The following ANKRD36C variants were observed in gnomAD, a reference collection of about 807,000 sequenced individuals.
ANKRD36C encodes ankyrin repeat domain-containing protein 36C.
Under a neutral mutation model 276.4 loss-of-function variants are expected in ANKRD36C, and 61 were observed. That is an observed-to-expected ratio of 0.22 (90% CI 0.18 to 0.27). The LOEUF (loss-of-function observed/expected upper bound fraction) is 0.27. Ranked by LOEUF, ANKRD36C falls within the 10% of genes least tolerant of loss-of-function variation. The pLI, the probability that ANKRD36C is intolerant of heterozygous loss-of-function variation, is 1.00. For missense variants in ANKRD36C, 1,447 were observed against 2,032.3 expected (o/e 0.71, Z 5.54); for synonymous variants, 483 against 680.1 (o/e 0.71, Z 4.51).
intron 63 of ANKRD36C, among the ~76,000 whole-genome samples, chr2:95,854,811 G>A (rs1675370621): frequency 1.3e-5 from 2 of 151,908 alleles, no homozygotes; most frequent in South Asian, 2.1e-4. Flanking sequence ...TAAAGCTACT[G>A]AAGAAAAGTA....
At chr2:95,957,925 A>T (rs1164455522) in intron 12 of ANKRD36C, among the ~76,000 whole-genome samples, 3 of 152,056 alleles carry the variant, frequency 2.0e-5, no homozygotes, top group Non-Finnish European at 4.4e-5. Flanking sequence ...CCCAGTAATA[A>T]CAAAGAGGGG....
intron 48 of ANKRD36C, among the ~76,000 whole-genome samples, chr2:95,888,775 G>A (rs985754345): frequency 6.6e-6 from 1 of 151,506 alleles, no homozygotes; most frequent in African/African-American, 2.4e-5. Flanking sequence ...TCCACTCATG[G>A]CACCAAAGGA....
At chr2:95,947,442 C>G (rs1678083339) in intron 17 of ANKRD36C, among the ~76,000 whole-genome samples, 1 of 152,082 alleles carries the variant, frequency 6.6e-6, no homozygotes, top group Admixed American at 6.6e-5. Flanking sequence ...TTCTTACATG[C>G]AAGACATTAT....
chr2:95,959,925 C>G (rs911495418), intron 10 of ANKRD36C, among the ~76,000 whole-genome samples: 25 of 152,338 alleles, frequency 1.6e-4, no homozygotes, highest in Admixed American at 1.2e-3. Context: ...CTAAATGCAT[C>G]TGAAGTGAGT....
intron 59 of ANKRD36C, among the ~76,000 whole-genome samples, chr2:95,873,340 C>T (rs1238077520): frequency 2.0e-5 from 3 of 152,168 alleles, no homozygotes; most frequent in Admixed American, 1.3e-4. Flanking sequence ...GGCTTCATCC[C>T]TGGGATGCAA....
At chr2:95,929,557 G>A (rs1400009248) in intron 24 of ANKRD36C, among the ~76,000 whole-genome samples, 2 of 151,554 alleles carry the variant, frequency 1.3e-5, no homozygotes, top group Non-Finnish European at 3.0e-5. Context: ...TGGATATGCT[G>A]AGTGATGAGG....
chr2:95,897,732 C>T (rs1489321751), intron 44 of ANKRD36C, among the ~76,000 whole-genome samples: 22 of 148,094 alleles, frequency 1.5e-4, no homozygotes, highest in African/African-American at 4.7e-4. Flanking sequence ...TCAATATCAA[C>T]GTGGATATGC....
chr2:95,983,559 G>A (rs115783142), intron 3 of ANKRD36C, among the ~76,000 whole-genome samples: 2,875 of 151,686 alleles, frequency 0.019, 42 homozygotes, highest in Non-Finnish European at 0.033. Flanking sequence ...TTATAGCATA[G>A]TGAAAGCCAC....
rs1252327524 is a variant in ANKRD36C at position 95,925,433 on chromosome 2, A to G, written c.1969-9T>C. On this transcript the variant is annotated splice_polypyrimidine_tract_variant and intron_variant, in intron 29 of 66. Transcript: ENST00000456556. Reference sequence around the variant, plus strand: ...TTCTTTTTAAATATAACCTGAATGGAAAGAGAAACAAAATAGTCAATACAT... The same window carrying G: ...TTCTTTTTAAATATAACCTGAATGGGAAGAGAAACAAAATAGTCAATACAT... The G allele has an allele frequency of 1.3e-6, 2 of 1,550,986 alleles. No individual in the cohort carries two copies. Among genetic ancestry groups the G allele is most frequent in the Non-Finnish European group, 1.7e-6 (2 of 1,147,668 alleles).
intron 58 of ANKRD36C, among the ~76,000 whole-genome samples, chr2:95,878,180 T>A (rs1308524572): frequency 6.9e-6 from 1 of 145,382 alleles, no homozygotes; most frequent in Admixed American, 6.9e-5. Flanking sequence ...CAAGACTCTG[T>A]CTCAAAAAAA....
intron 6 of ANKRD36C, among the ~76,000 whole-genome samples, chr2:95,967,893 G>C (rs1678624230): frequency 6.6e-6 from 1 of 152,030 alleles, no homozygotes; most frequent in Admixed American, 6.6e-5. Context: ...TTTGAGACCA[G>C]CCTGGCCAAA....
Position 95,910,502 on chromosome 2 carries a change from C to T in ANKRD36C, c.2653+1742G>A, listed in dbSNP as rs777519190. The T allele has an allele frequency of 2.3e-5, 37 of 1,603,738 alleles. 1 individual carries two copies. The highest frequency in any genetic ancestry group is 3.0e-5 in the Non-Finnish European group (35 of 1,175,192). On this transcript the variant is annotated intron_variant, in intron 42 of 66. Transcript: ENST00000456556. ...AATAAAGTATGTTTCATAGACCATA[C>T]ATTAACTCGTTCACAATATAAATGA...
chr2:95,964,330 A>G (rs1286191177), intron 6 of ANKRD36C, among the ~76,000 whole-genome samples: 1 of 151,864 alleles, frequency 6.6e-6, no homozygotes, highest in African/African-American at 2.4e-5. Flanking sequence ...TCCACTTTCC[A>G]TTAAGTGACT....
intron 20 of ANKRD36C, among the ~76,000 whole-genome samples, chr2:95,939,831 A>G (rs1053058261): frequency 5.3e-5 from 8 of 152,304 alleles, no homozygotes; most frequent in African/African-American, 1.9e-4. Context: ...ATCCACAGTC[A>G]TGAAGGCTTC....
intron 61 of ANKRD36C, among the ~76,000 whole-genome samples, 181 bp downstream of exon 81, chr2:95,859,680 T>C (rs1675516292): frequency 1.3e-5 from 2 of 152,176 alleles, no homozygotes; most frequent in Admixed American, 1.3e-4. Context: ...ATTTAATTAT[T>C]AGAGAAGTAT....
intron 62 of ANKRD36C, 92 bp downstream of exon 82, chr2:95,857,217 T>G: frequency 6.8e-7 from 1 of 1,463,556 alleles, no homozygotes; most frequent in Non-Finnish European, 9.0e-7. Flanking sequence ...TGGGGATTGT[T>G]CAGGCCTAAA....
chr2:95,929,802 A>G (rs548413000), intron 24 of ANKRD36C, among the ~76,000 whole-genome samples: 2 of 151,528 alleles, frequency 1.3e-5, no homozygotes, highest in South Asian at 4.2e-4. Context: ...CAGCTTGGAT[A>G]TATGTTTGGT....
intron 24 of ANKRD36C, among the ~76,000 whole-genome samples, chr2:95,933,863 T>C (rs1323850872): frequency 6.6e-6 from 1 of 150,736 alleles, no homozygotes; most frequent in Non-Finnish European, 1.5e-5. Context: ...AATCTCTCCA[T>C]CTGACAAAAG....
At chr2:95,858,729 A>G (rs1480005909) in intron 61 of ANKRD36C, among the ~76,000 whole-genome samples, 1 of 152,202 alleles carries the variant, frequency 6.6e-6, no homozygotes, top group African/African-American at 2.4e-5. Context: ...ATATATCAGC[A>G]GATTACTGTA....
Sources: allele counts gnomAD v4.1 joint callset (sites outside exome capture counted in the v4.1 genomes callset), GRCh38; gene constraint gnomAD v4.1.1; transcripts MANE v1.5; gene names NCBI Gene and HGNC (gene_info 2026-07-23, HGNC 2026-07-21).